Variants in SYNJ2 observed in about 807,000 individuals in gnomAD.
SYNJ2 encodes the protein polyphosphatidylinositol phosphatase SYNJ2.
A neutral mutation model predicts 141.3 loss-of-function variants in SYNJ2; 116 were observed. The ratio of observed to expected loss-of-function variants is 0.82; its 90% CI spans 0.71 to 0.96. The LOEUF is 0.96. Ranked by LOEUF, SYNJ2 falls within the 40% of genes least tolerant of loss-of-function variation. The pLI is 0.00. For missense variants in SYNJ2, 1,873 were observed against 1,934.8 expected (o/e 0.97, Z 0.60); for synonymous variants, 745 against 777.7 (o/e 0.96, Z 0.70).
chr6:158,005,088 T>C (rs909323742), intron 1 of SYNJ2, among the ~76,000 whole-genome samples: 40 of 150,862 alleles, frequency 2.7e-4, no homozygotes, highest in Non-Finnish European at 4.6e-4. Flanking sequence ...TATTTTTTTT[T>C]TTTTTTTTTG....
At chr6:158,025,183 A>G (rs1271752354) in intron 2 of SYNJ2, among the ~76,000 whole-genome samples, 1 of 152,188 alleles carries the variant, frequency 6.6e-6, no homozygotes, top group Non-Finnish European at 1.5e-5. Flanking sequence ...TTTTCTCTGC[A>G]TCTGACATGG....
chr6:158,047,156 A>G (rs1780283685), intron 5 of SYNJ2, among the ~76,000 whole-genome samples: 1 of 152,114 alleles, frequency 6.6e-6, no homozygotes, highest in Admixed American at 6.5e-5. Context: ...ATAAGTGAAG[A>G]GGTCTGGATG....
In SYNJ2 at chr6:158,016,911, C is replaced by T. The variant is rs1279921111; in HGVS notation, c.128-293C>T. On this transcript the variant is annotated intron_variant, in intron 1 of 26. Transcript: ENST00000355585. The stretch of plus-strand genomic sequence containing the variant: ...CAAGGTAGAGTAATAGGGCCAGGCC[C>T]CAGGTGCCTGCCCCCAGCTGGACGC... 6 of 913,222 alleles carry T rather than the reference C, an allele frequency of 6.6e-6. No homozygotes were observed. The South Asian group carries it at 2.3e-4, about 35-fold the overall frequency. 56.6% of individuals were successfully genotyped at this position (913,222 alleles called of 1,614,324 possible).
chr6:158,059,349 T>G lies in SYNJ2; in HGVS notation c.950T>G (p.Phe317Cys). Reference sequence around the variant, plus strand: ...GGAGAGGAGGTGCTCAACAGAGCCTTCAAGGTAAGGCCAGGCTGTCCTCTC... The same window carrying G: ...GGAGAGGAGGTGCTCAACAGAGCCTGCAAGGTAAGGCCAGGCTGTCCTCTC... ...RGGEEVLNRA[F>C]KKLLWASCHA... is the part of the protein sequence containing the mutation. The change falls in exon 7 of 27, where the codon TTC (phenylalanine) becomes TGC (cysteine). Residue 317 changes from phenylalanine (F) to cysteine (C), a missense_variant. Physicochemically the swap from Phe to Cys is radical, Grantham distance 205. Coordinates refer to ENST00000355585, the MANE Select transcript of SYNJ2 (RefSeq NM_003898.4). The G allele has an allele frequency of 6.5e-7, 1 of 1,550,148 alleles. No individual in the cohort carries two copies. The highest frequency in any genetic ancestry group is 8.7e-7 in the Non-Finnish European group (1 of 1,146,672).
rs115153148 is a variant in SYNJ2 at position 158,093,833 on chromosome 6, G to A, written c.3744+729G>A. 1.0e-3 allele frequency: 762 copies of A among 753,164 alleles called. 5 individuals carry two copies. In the African/African-American group the frequency reaches 0.011, roughly 11 times the overall value. 46.7% of individuals were successfully genotyped at this position (753,164 alleles called of 1,614,324 possible). A position where few individuals can be genotyped will look rare whatever the true frequency, so the allele number is the denominator to read the frequency against. ...AGATTCGCCATGTTCACATGCTCTC[G>A]TGCGGCCTCAGCCTACGAGAGGTTC... On this transcript the variant is annotated intron_variant, in intron 26 of 26. Transcript: ENST00000355585.
At chr6:158,074,265 G>T (rs1782126993) in intron 15 of SYNJ2, among the ~76,000 whole-genome samples, 1 of 152,186 alleles carries the variant, frequency 6.6e-6, no homozygotes, top group Non-Finnish European at 1.5e-5. Context: ...TCCAAAGTAA[G>T]GGTGCATCTG....
Position 158,081,120 on chromosome 6 carries a change from C to G in SYNJ2, c.2579C>G (p.Ala860Gly), listed in dbSNP as rs902197436. The change falls in exon 19 of 27, where the codon GCG becomes GGG. Residue 860 changes from alanine to glycine, a missense_variant. Physicochemically the swap from Ala to Gly is moderately conservative, Grantham distance 60. Coordinates refer to ENST00000355585, the MANE Select transcript of SYNJ2 (RefSeq NM_003898.4). ...LQASDHRPVL[A>G]IVEVEVQEVD... ...TGTTCCTAACGCAGACCTGTGCTGGCGATCGTGGAGGTGGAAGTTCAGGAA... is the reference window on the plus strand; with the variant it reads ...TGTTCCTAACGCAGACCTGTGCTGGGGATCGTGGAGGTGGAAGTTCAGGAA... 1 of 1,613,812 alleles carries G rather than the reference C, an allele frequency of 6.2e-7. No homozygotes were observed. Among genetic ancestry groups the G allele is most frequent in the Admixed American group, 1.7e-5 (1 of 60,014 alleles).
At chr6:158,088,870 A>T in intron 24 of SYNJ2, 98 bp downstream of exon 24, 1 of 841,132 alleles carries the variant, frequency 1.2e-6, no homozygotes, top group Non-Finnish European at 1.9e-6. Flanking sequence ...TGTGTCTTTA[A>T]CCCTCTACCT....
chr6:158,005,689 T>G (rs1315270895), intron 1 of SYNJ2, among the ~76,000 whole-genome samples: 2 of 152,060 alleles, frequency 1.3e-5, no homozygotes, highest in Non-Finnish European at 2.9e-5. Context: ...TCACTTGCGT[T>G]TCTGTGCTCT....
intron 2 of SYNJ2, among the ~76,000 whole-genome samples, chr6:158,022,831 C>T (rs1011503328): frequency 4.6e-5 from 7 of 152,176 alleles, no homozygotes; most frequent in South Asian, 2.1e-4. Context: ...AGGTGAGCAT[C>T]GGGAGGGGCC....
intron 20 of SYNJ2, 122 bp downstream of exon 20, chr6:158,081,632 T>TTC: frequency 4.6e-5 from 13 of 282,366 alleles, no homozygotes; most frequent in Non-Finnish European, 4.8e-5. Flanking sequence ...TTTTTTTTTT[T>TTC]TTTCTCTGAG....
chr6:158,009,616 GA>G (rs1254684502), intron 1 of SYNJ2, among the ~76,000 whole-genome samples: 1 of 152,234 alleles, frequency 6.6e-6, no homozygotes, highest in Non-Finnish European at 1.5e-5. Flanking sequence ...TCTCGTGTAG[GA>G]AAACTTACAG....
intron 4 of SYNJ2, among the ~76,000 whole-genome samples, chr6:158,034,693 T>C (rs906036191): frequency 1.3e-5 from 2 of 152,244 alleles, no homozygotes; most frequent in African/African-American, 4.8e-5. Context: ...AACGAGGCTA[T>C]TATGTAAATA....
At chr6:157,992,232 G>A (rs1405043788) in intron 1 of SYNJ2, among the ~76,000 whole-genome samples, 1 of 151,628 alleles carries the variant, frequency 6.6e-6, no homozygotes, top group East Asian at 1.9e-4. Flanking sequence ...ATTTTTATTT[G>A]TTTTACTCAT....
At chr6:158,095,160 A>G (rs1783725579) in intron 26 of SYNJ2, among the ~76,000 whole-genome samples, 1 of 152,142 alleles carries the variant, frequency 6.6e-6, no homozygotes, top group Non-Finnish European at 1.5e-5. Context: ...AAAAAAAAAA[A>G]AAAATTCAAG....
At chr6:158,064,502 G>A in intron 9 of SYNJ2, 99 bp from the exon 10 acceptor site, 2 of 1,466,480 alleles carry the variant, frequency 1.4e-6, no homozygotes, top group East Asian at 2.3e-5. Context: ...TCCAGGCACA[G>A]CGTAATCCAC....
In SYNJ2 at chr6:158,066,527, T is replaced by A; in HGVS notation, c.1609T>A (p.Trp537Arg). 1 of 1,614,178 alleles carries A rather than the reference T, an allele frequency of 6.2e-7. No homozygotes were observed. Among genetic ancestry groups the A allele is most frequent in the Non-Finnish European group, 8.5e-7 (1 of 1,180,034 alleles). Residue 537 changes from tryptophan (W) to arginine (R), a missense_variant, in exon 12 of 27, where the codon TGG (tryptophan) becomes AGG (arginine). Physicochemically the swap from Trp to Arg is moderately radical, Grantham distance 101. Coordinates refer to ENST00000355585, the MANE Select transcript of SYNJ2 (RefSeq NM_003898.4). ...FKRIRIAMGT[W>R]NVNGGKQFRS... ...GCGGATCCGGATTGCTATGGGGACC[T>A]GGAACGTGAACGGAGGAAAGCAGTT...
At chr6:158,086,032 G>A (rs1023086828) in intron 22 of SYNJ2, among the ~76,000 whole-genome samples, 5 of 152,180 alleles carry the variant, frequency 3.3e-5, no homozygotes, top group African/African-American at 1.2e-4. Context: ...AGCGCAACAC[G>A]GGACACGTGG....
chr6:158,067,929 C>G lies in SYNJ2; in HGVS notation c.1718-718C>G, dbSNP rs1341861392. On this transcript the variant is annotated intron_variant, in intron 12 of 26. Coordinates refer to ENST00000355585, the MANE Select transcript of SYNJ2 (RefSeq NM_003898.4). ...TGGCTCAAGAGCCGTCCCTCCAGTC[C>G]CCACGAAAGTGACTCCTCTTCTTTT... 4 of 985,150 alleles carry G rather than the reference C, an allele frequency of 4.1e-6. No individual in the cohort carries two copies. The African/African-American group carries it at 7.0e-5, about 17-fold the overall frequency. 61.0% of individuals were successfully genotyped at this position (985,150 alleles called of 1,614,324 possible). A position where few individuals can be genotyped will look rare whatever the true frequency, so the allele number is the denominator to read the frequency against.
Sources: gnomAD v4.1 joint callset for allele counts (sites outside exome capture counted in the v4.1 genomes callset) on GRCh38, gnomAD v4.1.1 for gene constraint, MANE v1.5 for transcripts, NCBI Gene and HGNC (gene_info 2026-07-23, HGNC 2026-07-21) for gene names.